ANKRD44: variants seen among roughly 807,000 people sequenced by gnomAD.
ANKRD44 encodes the protein ankyrin repeat domain 44.
ANKRD44 carries 35 observed loss-of-function variants against 116.0 expected under a neutral mutation model. The ratio of observed to expected loss-of-function variants is 0.30; its 90% CI spans 0.23 to 0.40. ANKRD44 has a LOEUF of 0.40. ANKRD44 is among the 10% of genes least tolerant of loss of function. ANKRD44 has a pLI of 1.00. For missense variants in ANKRD44, 1,014 were observed against 1,242.6 expected, an observed-to-expected ratio of 0.82 and a Z score of 2.77; for synonymous variants, 435 against 461.8, an observed-to-expected ratio of 0.94 and a Z score of 0.74.
chr2:197,186,647 T>TTTTTTTTTTTTTTTC, intron 2 of ANKRD44, among the ~76,000 whole-genome samples: 1 of 90,252 alleles, frequency 1.1e-5, no homozygotes, highest in East Asian at 4.5e-4. Context: ...TTTTTTTTTT[T>TTTTTTTTTTTTTTTC]AGAGACAGAG....
At chr2:197,179,685 T>C (rs1055917467) in intron 2 of ANKRD44, among the ~76,000 whole-genome samples, 1 of 152,210 alleles carries the variant, frequency 6.6e-6, no homozygotes, top group African/African-American at 2.4e-5. Flanking sequence ...TTGTCTCTCT[T>C]TTGGAGGCTG....
At chr2:197,106,032 G>A (rs1344323714) in intron 9 of ANKRD44, among the ~76,000 whole-genome samples, 1 of 152,236 alleles carries the variant, frequency 6.6e-6, no homozygotes, top group African/African-American at 2.4e-5. Context: ...CAAAAATTGG[G>A]TAGAGAAAGG....
chr2:197,308,333 C>A (rs2084137524), intron 1 of ANKRD44, among the ~76,000 whole-genome samples: 2 of 152,140 alleles, frequency 1.3e-5, no homozygotes, highest in Non-Finnish European at 1.5e-5. Flanking sequence ...GTGGTCTAAG[C>A]AAATGGTTTT....
Position 197,294,066 on chromosome 2 carries a change from A to C in ANKRD44, c.27+16512T>G, listed in dbSNP as rs963353137. 2.0e-5 allele frequency among the ~76,000 whole-genome samples: 3 copies of C among 152,172 alleles called. 1 individual carries two copies. Among genetic ancestry groups the C allele is most frequent in the Admixed American group, 2.0e-4 (3 of 15,284 alleles). On this transcript the variant is annotated intron_variant, in intron 1 of 27. Transcript: ENST00000282272. ...ACAATCAACAAGCAAAGTAACAGCC[A>C]CTGGCCTCGGTTTCTCCCTATGAAA...
In ANKRD44 at chr2:197,310,567, C is replaced by T. The variant is rs1295559204; in HGVS notation, c.27+11G>A. 1 of 1,197,780 alleles carries T rather than the reference C, an allele frequency of 8.3e-7. No individual in the cohort carries two copies. The highest frequency in any genetic ancestry group is 1.1e-6 in the Non-Finnish European group (1 of 944,694). 74.2% of individuals were successfully genotyped at this position (1,197,780 alleles called of 1,614,324 possible). A position where few individuals can be genotyped will look rare whatever the true frequency, so the allele number is the denominator to read the frequency against. On this transcript the variant is annotated intron_variant, in intron 1 of 27. Transcript: ENST00000282272. The stretch of plus-strand genomic sequence containing the variant: ...CCGCGCGTCCCGCCCGCCGGCGCCG[C>T]CGCCCGCTACCTGGTCGGTGAGTTT...
intron 8 of ANKRD44, 54 bp downstream of exon 8, chr2:197,121,278 T>A (rs183379082): frequency 6.5e-7 from 1 of 1,544,586 alleles, no homozygotes; most frequent in African/African-American, 1.4e-5. Context: ...TTGATTTTGC[T>A]CAAACAGAAG....
At chr2:197,304,585 AG>A (rs914078735) in intron 1 of ANKRD44, among the ~76,000 whole-genome samples, 9 of 152,182 alleles carry the variant, frequency 5.9e-5, no homozygotes, top group African/African-American at 2.2e-4. Flanking sequence ...CAGAAGGGAG[AG>A]GGCAGAGCTG....
chr2:196,967,160 C>G (rs539689775), exon 22 of ANKRD44: 1 of 194,968 alleles, frequency 5.1e-6, no homozygotes, highest in Non-Finnish European at 1.1e-5. Flanking sequence ...AGAAATATTA[C>G]CCAGTTCTAA....
chr2:197,086,456 G>C (rs1018499199), intron 13 of ANKRD44, among the ~76,000 whole-genome samples: 2 of 152,000 alleles, frequency 1.3e-5, no homozygotes, highest in Non-Finnish European at 2.9e-5. Flanking sequence ...AAAAAAGGGA[G>C]ACAATTGGCA....
intron 17 of ANKRD44, among the ~76,000 whole-genome samples, chr2:197,023,647 G>C (rs2076538842): frequency 6.6e-6 from 1 of 152,166 alleles, no homozygotes; most frequent in South Asian, 2.1e-4. Context: ...TAGCAGGCTT[G>C]GCAATGCAGT....
chr2:197,015,126 G>A (rs776111601), intron 17 of ANKRD44: 1 of 243,454 alleles, frequency 4.1e-6, no homozygotes, highest in Non-Finnish European at 8.3e-6. Flanking sequence ...TGTTCCAGGG[G>A]CTTTGGTTTT....
chr2:197,052,694 C>T (rs2077131613), intron 16 of ANKRD44, among the ~76,000 whole-genome samples: 1 of 152,094 alleles, frequency 6.6e-6, no homozygotes, highest in African/African-American at 2.4e-5. Context: ...AGCTGCTCGC[C>T]TCAGCTGGTA....
At chr2:197,000,148 T>C (rs1330813606) in intron 23 of ANKRD44, among the ~76,000 whole-genome samples, 11 of 152,162 alleles carry the variant, frequency 7.2e-5, no homozygotes. Flanking sequence ...TATATACATA[T>C]ATGTGTATAT....
chr2:197,286,611 C>T (rs2083415670), intron 1 of ANKRD44, among the ~76,000 whole-genome samples: 2 of 152,010 alleles, frequency 1.3e-5, no homozygotes, highest in African/African-American at 4.8e-5. Flanking sequence ...CTCATGACCT[C>T]AAGTGATCCT....
At chr2:197,225,686 A>G (rs2081693230) in intron 1 of ANKRD44, among the ~76,000 whole-genome samples, 1 of 150,922 alleles carries the variant, frequency 6.6e-6, no homozygotes. Flanking sequence ...AGGTTTTGGG[A>G]AATCTGATTC....
At chr2:197,051,416 G>T (rs1374272969) in intron 16 of ANKRD44, among the ~76,000 whole-genome samples, 1 of 151,658 alleles carries the variant, frequency 6.6e-6, no homozygotes, top group South Asian at 2.1e-4. Context: ...ATTTTAGAGA[G>T]AGGGTCTTGT....
chr2:197,184,225 G>A (rs1029990570), intron 2 of ANKRD44, among the ~76,000 whole-genome samples: 9 of 152,280 alleles, frequency 5.9e-5, no homozygotes, highest in Middle Eastern at 3.4e-3. Flanking sequence ...CCGTCTCTTT[G>A]GGGGCACACA....
chr2:197,233,736 A>T (rs2081917739), intron 1 of ANKRD44, among the ~76,000 whole-genome samples: 1 of 152,230 alleles, frequency 6.6e-6, no homozygotes, highest in East Asian at 1.9e-4. Flanking sequence ...AAAACAATGC[A>T]AGTAAGCATT....
intron 10 of ANKRD44, among the ~76,000 whole-genome samples, chr2:197,097,180 G>T (rs1468867353): frequency 3.5e-4 from 53 of 151,918 alleles, no homozygotes; most frequent in Non-Finnish European, 1.3e-4. Context: ...TGGTTTTTAG[G>T]GAAAAATTTT....
Sources: allele counts gnomAD v4.1 joint callset (sites outside exome capture counted in the v4.1 genomes callset), GRCh38; gene constraint gnomAD v4.1.1; transcripts MANE v1.5; gene names NCBI Gene and HGNC (gene_info 2026-07-23, HGNC 2026-07-21).